Variants in DGKB observed in about 807,000 individuals in gnomAD.
DGKB encodes 90 kDa diacylglycerol kinase.
DGKB carries 67 observed loss-of-function variants against 114.3 expected under a neutral mutation model. The observed-to-expected ratio is 0.59, with a 90% confidence interval of 0.48 to 0.72. The LOEUF (loss-of-function observed/expected upper bound fraction) is 0.72, where lower values mean the gene tolerates loss of function less well. DGKB is among the 30% of genes least tolerant of loss of function. DGKB has a pLI of 0.00. For missense variants in DGKB, 907 were observed against 975.2 expected (o/e 0.93, Z 0.93); for synonymous variants, 398 against 323.1 (o/e 1.23, Z -2.49).
At chr7:14,415,254 A>T (rs1057366030) in intron 21 of DGKB, among the ~76,000 whole-genome samples, 1 of 151,424 alleles carries the variant, frequency 6.6e-6, no homozygotes, top group Non-Finnish European at 1.5e-5. Context: ...ACATTCATAT[A>T]TATACATATT....
chr7:14,391,605 G>A (rs966669391), intron 21 of DGKB, among the ~76,000 whole-genome samples: 1 of 152,132 alleles, frequency 6.6e-6, no homozygotes, highest in Non-Finnish European at 1.5e-5. Context: ...AAGCTGAGGT[G>A]AGAGGATCAC....
At chr7:14,706,988 G>C (rs1409413994) in intron 6 of DGKB, among the ~76,000 whole-genome samples, 2 of 150,094 alleles carry the variant, frequency 1.3e-5, no homozygotes, top group African/African-American at 2.5e-5. Flanking sequence ...GAAGGAAATA[G>C]AGACACAAAA....
chr7:14,300,329 G>A (rs1220703702), intron 23 of DGKB, among the ~76,000 whole-genome samples: 1 of 151,984 alleles, frequency 6.6e-6, no homozygotes, highest in Non-Finnish European at 1.5e-5. Context: ...TGCTCTAGGT[G>A]AGGCATGAAC....
intron 9 of DGKB, among the ~76,000 whole-genome samples, chr7:14,693,478 A>G (rs1296400144): frequency 6.6e-6 from 1 of 151,908 alleles, no homozygotes; most frequent in African/African-American, 2.4e-5. Context: ...AACTACTCCA[A>G]GAAAACTTTT....
At chr7:14,967,289 C>T (rs2115293582) in intron 1 of DGKB, among the ~76,000 whole-genome samples, 1 of 151,620 alleles carries the variant, frequency 6.6e-6, no homozygotes, top group Middle Eastern at 3.4e-3. Flanking sequence ...TCCTAAAGAA[C>T]AAGTGTTTCC....
At chr7:14,167,573 G>A (rs1411174041) in intron 25 of DGKB, among the ~76,000 whole-genome samples, 4 of 152,156 alleles carry the variant, frequency 2.6e-5, no homozygotes, top group African/African-American at 9.7e-5. Flanking sequence ...GATCACCTGA[G>A]TTTATCCCTT....
chr7:14,383,360 G>C (rs1819792104), intron 21 of DGKB, among the ~76,000 whole-genome samples: 1 of 152,072 alleles, frequency 6.6e-6, no homozygotes, highest in African/African-American at 2.4e-5. Context: ...TTTAGAATCA[G>C]TTTTAAACTT....
intron 1 of DGKB, among the ~76,000 whole-genome samples, chr7:14,863,274 T>C (rs185191173): frequency 2.6e-5 from 4 of 151,774 alleles, no homozygotes; most frequent in Admixed American, 1.3e-4. Context: ...TTTCTTAATA[T>C]AATAGTTTAT....
At chr7:14,923,359 G>C (rs1467238507) in intron 1 of DGKB, among the ~76,000 whole-genome samples, 1 of 151,978 alleles carries the variant, frequency 6.6e-6, no homozygotes, top group African/African-American at 2.4e-5. Flanking sequence ...ATATCTATGA[G>C]ACTCTTTCTA....
At position 14,392,008 on chromosome 7, in the gene DGKB, A is replaced by G. The variant is rs1045003326; in HGVS notation, c.1836-46617T>C. ...TTACTTAAATGGTGTGAAAATTTAC[A>G]TAAGAACTATAACTCTTAGTACATT... On this transcript the variant is annotated intron_variant, in intron 21 of 25. Coordinates refer to ENST00000402815, the MANE Select transcript of DGKB (RefSeq NM_001350709.2). Among the ~76,000 whole-genome samples, 12 of 152,184 alleles carry G rather than the reference A, an allele frequency of 7.9e-5. No homozygotes were observed. The South Asian group carries it at 2.1e-3, about 26-fold the overall frequency.
chr7:14,629,801 G>A (rs1344604039), intron 14 of DGKB, among the ~76,000 whole-genome samples: 4 of 152,018 alleles, frequency 2.6e-5, no homozygotes, highest in African/African-American at 9.7e-5. Context: ...TGAAAGTGAT[G>A]GGCACTTCAA....
At chr7:14,739,938 C>T (rs1233968766) in intron 4 of DGKB, among the ~76,000 whole-genome samples, 1 of 152,252 alleles carries the variant, frequency 6.6e-6, no homozygotes. Flanking sequence ...CCCTCCCCCA[C>T]GTTCCCGCCG....
intron 23 of DGKB, among the ~76,000 whole-genome samples, chr7:14,312,884 G>C (rs1374239156): frequency 6.6e-6 from 1 of 152,124 alleles, no homozygotes; most frequent in Admixed American, 6.5e-5. Context: ...GTCTTAGCTT[G>C]AAATCAACAA....
chr7:14,644,270 A>G (rs777917329), intron 13 of DGKB, among the ~76,000 whole-genome samples: 2 of 152,250 alleles, frequency 1.3e-5, no homozygotes, highest in African/African-American at 2.4e-5. Context: ...AGTGACAGCT[A>G]TATCAGAGAT....
At chr7:14,825,794 G>A (rs895042031) in intron 2 of DGKB, among the ~76,000 whole-genome samples, 1 of 152,048 alleles carries the variant, frequency 6.6e-6, no homozygotes, top group Non-Finnish European at 1.5e-5. Flanking sequence ...AATGATCCAG[G>A]CAATTTTTCC....
At chr7:14,730,802 T>C (rs1301238326) in intron 5 of DGKB, among the ~76,000 whole-genome samples, 2 of 152,218 alleles carry the variant, frequency 1.3e-5, no homozygotes, top group Non-Finnish European at 2.9e-5. Context: ...TGCCCTTCAC[T>C]AAAGCAACTC....
intron 21 of DGKB, among the ~76,000 whole-genome samples, chr7:14,357,740 G>T (rs1488904334): frequency 6.6e-6 from 1 of 152,142 alleles, no homozygotes; most frequent in African/African-American, 2.4e-5. Context: ...GATACCGGTT[G>T]TTCCTTTCCG....
At chr7:14,937,770 ATACTTC>A (rs72245319) in intron 1 of DGKB, among the ~76,000 whole-genome samples, 44,600 of 151,686 alleles carry the variant, frequency 0.29, 6,727 homozygotes, top group Admixed American at 0.34. Flanking sequence ...AAACAACCAT[ATACTTC>A]TACTTCCTCT....
chr7:14,943,755 T>A (rs1367259772), intron 1 of DGKB, among the ~76,000 whole-genome samples: 1 of 151,910 alleles, frequency 6.6e-6, no homozygotes, highest in Admixed American at 6.6e-5. Flanking sequence ...CAGCTATCAT[T>A]AAAATTAAAA....
Sources: gnomAD v4.1 joint callset for allele counts (sites outside exome capture counted in the v4.1 genomes callset) on GRCh38, gnomAD v4.1.1 for gene constraint, MANE v1.5 for transcripts, NCBI Gene and HGNC (gene_info 2026-07-23, HGNC 2026-07-21) for gene names.